PDGFD: variants seen among roughly 807,000 people sequenced by gnomAD.
PDGFD encodes the protein platelet derived growth factor D, also known as platelet-derived growth factor D.
PDGFD carries 30 observed loss-of-function variants against 44.7 expected under a neutral mutation model. The observed-to-expected ratio is 0.67, with a 90% CI of 0.50 to 0.91. PDGFD has a LOEUF of 0.91. PDGFD is among the 40% of genes least tolerant of loss of function. The pLI is 0.00. For synonymous variants in PDGFD, 173 were observed against 168.4 expected, an observed-to-expected ratio of 1.03 and a Z score of -0.21; for missense variants, 445 against 457.8, an observed-to-expected ratio of 0.97 and a Z score of 0.25.
At position 104,103,378 on chromosome 11, in the gene PDGFD, A is replaced by G. The variant is rs1861424667; in HGVS notation, c.124+60426T>C. ...TATTTGTGTGTATCCACTTATACCT[A>G]AATCTTTCACCTGAACATATTTCTT... is the stretch of plus-strand genomic sequence containing the variant. On this transcript the variant is annotated intron_variant, in intron 1 of 6. Transcript: ENST00000393158. Among the ~76,000 whole-genome samples the G allele has an allele frequency of 4.6e-5, 7 of 151,288 alleles. No homozygotes were observed. The South Asian group carries it at 1.5e-3, about 31-fold the overall frequency.
chr11:104,017,954 G>A (rs149230584), intron 1 of PDGFD, among the ~76,000 whole-genome samples: 2,420 of 152,252 alleles, frequency 0.016, 27 homozygotes, highest in Non-Finnish European at 0.025. Flanking sequence ...AGTGACTACT[G>A]TGGTTCTCAC....
chr11:104,113,010 A>G (rs1861582299), intron 1 of PDGFD, among the ~76,000 whole-genome samples: 1 of 152,106 alleles, frequency 6.6e-6, no homozygotes, highest in South Asian at 2.1e-4. Flanking sequence ...AAACCTGCAC[A>G]TGTACTCCTG....
chr11:104,074,267 G>A (rs1484991382), intron 1 of PDGFD, among the ~76,000 whole-genome samples: 2 of 152,170 alleles, frequency 1.3e-5, no homozygotes, highest in Non-Finnish European at 2.9e-5. Flanking sequence ...CACCCAGCTG[G>A]CCCATGAACT....
intron 1 of PDGFD, among the ~76,000 whole-genome samples, chr11:104,163,483 C>A (rs914490521): frequency 1.3e-5 from 2 of 152,264 alleles, no homozygotes; most frequent in African/African-American, 4.8e-5. Flanking sequence ...GCGCAGCTTG[C>A]AACTTTCGCC....
chr11:104,032,982 C>G (rs1056291912), intron 1 of PDGFD, among the ~76,000 whole-genome samples: 27 of 151,946 alleles, frequency 1.8e-4, no homozygotes, highest in Admixed American at 1.4e-3. Flanking sequence ...CTCAATAATT[C>G]AGATAACCCA....
At chr11:104,119,097 A>ATATAT (rs1861701755) in intron 1 of PDGFD, among the ~76,000 whole-genome samples, 7 of 4,026 alleles carry the variant, frequency 1.7e-3, no homozygotes, top group Admixed American at 6.8e-3. Context: ...TATTGATATA[A>ATATAT]TATATAATAT....
intron 1 of PDGFD, among the ~76,000 whole-genome samples, chr11:104,080,150 T>C (rs1349389289): frequency 1.3e-5 from 2 of 152,208 alleles, no homozygotes; most frequent in Admixed American, 6.5e-5. Flanking sequence ...GGGCTTTTTA[T>C]GTCTGAGTCA....
intron 1 of PDGFD, among the ~76,000 whole-genome samples, chr11:104,034,768 G>C (rs260797): frequency 0.031 from 4,633 of 151,386 alleles, 249 homozygotes; most frequent in African/African-American, 0.11. Flanking sequence ...TCAGCCTCCC[G>C]AGTAGCTGGG....
rs978050088 is a variant in PDGFD at position 103,909,582 on chromosome 11, T to C, written c.*112A>G. On this transcript the variant is annotated 3_prime_UTR_variant, in exon 7 of 7. Transcript: ENST00000393158. ...GAGACTCAGCAACCACTTGTGTTCA[T>C]TGCATTGCAGGCTAGTAGTAAGTTT... 3.7e-6 allele frequency: 5 copies of C among 1,369,636 alleles called. No homozygotes were observed. Among genetic ancestry groups the C allele is most frequent in the African/African-American group, 1.4e-5 (1 of 69,848 alleles). The allele number at this position is 1,369,636 out of a possible 1,614,324, so 84.8% of individuals were successfully genotyped here. A position where few individuals can be genotyped will look rare whatever the true frequency, so the allele number is the denominator to read the frequency against.
intron 3 of PDGFD, among the ~76,000 whole-genome samples, chr11:103,952,644 A>T (rs773675747): frequency 6.6e-6 from 1 of 152,148 alleles, no homozygotes; most frequent in Non-Finnish European, 1.5e-5. Context: ...TAGGACTAGG[A>T]CCCAATTAGC....
chr11:103,916,772 T>C (rs941714156), intron 6 of PDGFD, among the ~76,000 whole-genome samples: 2 of 151,668 alleles, frequency 1.3e-5, no homozygotes, highest in African/African-American at 4.8e-5. Flanking sequence ...AAAGGATGAG[T>C]TCATGTCCTT....
chr11:104,156,834 G>A (rs1432886071), intron 1 of PDGFD, among the ~76,000 whole-genome samples: 1 of 152,172 alleles, frequency 6.6e-6, no homozygotes, highest in Admixed American at 6.5e-5. Flanking sequence ...TGTGCCCTTT[G>A]CTGTCCTGTG....
In PDGFD at chr11:103,963,418, A is replaced by G. The variant is rs147696126; in HGVS notation, c.511-15694T>C. Among the ~76,000 whole-genome samples the G allele has an allele frequency of 2.2e-3, 340 of 152,334 alleles. 5 individuals are homozygous for G. The highest frequency in any genetic ancestry group is 7.8e-3 in the African/African-American group (325 of 41,574). On this transcript the variant is annotated intron_variant, in intron 3 of 6. Transcript: ENST00000393158. ...CTGGCTGGTCATTTCTATCATCATTAGATAAAAGAATGTGTAATTTCTTCT... is the reference window on the plus strand; with the variant it reads ...CTGGCTGGTCATTTCTATCATCATTGGATAAAAGAATGTGTAATTTCTTCT...
Position 103,999,980 on chromosome 11 carries a change from C to T in PDGFD, c.329+71G>A, listed in dbSNP as rs768590440. The T allele has an allele frequency of 5.1e-5, 69 of 1,343,738 alleles. 1 individual carries two copies. Among genetic ancestry groups the T allele is most frequent in the East Asian group, 2.5e-4 (11 of 43,424 alleles). 83.2% of individuals were successfully genotyped at this position (1,343,738 alleles called of 1,614,324 possible). Reference sequence around the variant, plus strand: ...AAAGGCTCAAAAGGAATGTTTGATACGATGCTTTAAATTCATCTTTTTCTT... The same window carrying T: ...AAAGGCTCAAAAGGAATGTTTGATATGATGCTTTAAATTCATCTTTTTCTT... On this transcript the variant is annotated intron_variant, in intron 2 of 6. Coordinates refer to ENST00000393158, the MANE Select transcript of PDGFD (RefSeq NM_025208.5).
chr11:104,116,117 C>G (rs929719520), intron 1 of PDGFD, among the ~76,000 whole-genome samples: 3 of 152,032 alleles, frequency 2.0e-5, no homozygotes, highest in Non-Finnish European at 2.9e-5. Context: ...AAGCCAACAT[C>G]TAGAAGGGTT....
At chr11:104,119,976 TATC>T (rs1305271778) in intron 1 of PDGFD, among the ~76,000 whole-genome samples, 22 of 141,832 alleles carry the variant, frequency 1.6e-4, no homozygotes, top group Middle Eastern at 7.6e-3. Flanking sequence ...TATTACATAG[TATC>T]ATAATTATTA....
At chr11:103,951,901 C>G (rs536263446) in intron 3 of PDGFD, among the ~76,000 whole-genome samples, 1 of 152,314 alleles carries the variant, frequency 6.6e-6, no homozygotes, top group Admixed American at 6.5e-5. Context: ...CAAGTGAAAT[C>G]ACACTCCGGA....
chr11:103,954,732 TCTC>T (rs1248565590), intron 3 of PDGFD, among the ~76,000 whole-genome samples: 3 of 152,214 alleles, frequency 2.0e-5, no homozygotes, highest in Non-Finnish European at 4.4e-5. Flanking sequence ...AAGAAATCCC[TCTC>T]CTAATTGTAT....
chr11:103,983,444 T>C (rs1859304251), intron 3 of PDGFD, among the ~76,000 whole-genome samples: 5 of 149,548 alleles, frequency 3.3e-5, no homozygotes, highest in Admixed American at 3.3e-4. Flanking sequence ...GACTAAAATA[T>C]AAAACTTAAA....
Sources: allele counts gnomAD v4.1 joint callset (sites outside exome capture counted in the v4.1 genomes callset), GRCh38; gene constraint gnomAD v4.1.1; transcripts MANE v1.5; gene names NCBI Gene and HGNC (gene_info 2026-07-23, HGNC 2026-07-21).